Variants in AARS1 observed in about 807,000 individuals in gnomAD.
AARS1 encodes the protein alanine--tRNA ligase, cytoplasmic.
A neutral mutation model predicts 108.9 loss-of-function variants in AARS1; 72 were observed. That is an observed-to-expected ratio of 0.66 (90% CI 0.55 to 0.80). The LOEUF (loss-of-function observed/expected upper bound fraction) is 0.80. Ranked by LOEUF, AARS1 falls within the 30% of genes least tolerant of loss-of-function variation. AARS1 has a pLI of 0.00. For synonymous variants in AARS1, 489 were observed against 465.7 expected (o/e 1.05, Z -0.64); for missense variants, 1,193 against 1,233.2 (o/e 0.97, Z 0.49).
In AARS1 at chr16:70,270,232, A is replaced by G. The variant is rs1960365704; in HGVS notation, c.780T>C (p.Thr260=). ...CTTCAAAGTAAGGGACAAAAAGGTC[A>G]GTGTCATAGTTGGACATCTTATTCT... ...VLQNKMSNYD[T]DLFVPYFEAI... is the part of the protein sequence containing the mutation. Residue 260 remains threonine (T), a synonymous_variant, in exon 6 of 21, where the codon ACT becomes ACC. Transcript: ENST00000261772. The G allele has an allele frequency of 6.2e-7, 1 of 1,614,096 alleles. No individual in the cohort carries two copies. The highest frequency in any genetic ancestry group is 1.1e-5 in the South Asian group (1 of 91,090).
intron 13 of AARS1, among the ~76,000 whole-genome samples, chr16:70,259,841 C>T (rs528709208): frequency 4.6e-5 from 7 of 151,798 alleles, no homozygotes; most frequent in African/African-American, 1.5e-4. Flanking sequence ...GGCATGATCT[C>T]GGCTCACTGC....
At chr16:70,267,852 G>C (rs1470018121) in intron 8 of AARS1, 43 bp from the exon 9 acceptor site, 4 of 1,613,732 alleles carry the variant, frequency 2.5e-6, no homozygotes, top group Non-Finnish European at 3.4e-6. Flanking sequence ...TGAAGCCAGA[G>C]ACTGTTCCCT....
chr16:70,280,686 G>A (rs1960676225), intron 2 of AARS1, among the ~76,000 whole-genome samples: 1 of 152,136 alleles, frequency 6.6e-6, no homozygotes. Flanking sequence ...ACCCCCTTCA[G>A]CCACGACCAG....
At position 70,254,054 on chromosome 16, in the gene AARS1, G is replaced by C. The variant is rs372138128; in HGVS notation, c.2401-16C>G. 2 of 1,613,392 alleles carry C rather than the reference G, an allele frequency of 1.2e-6. No homozygotes were observed. The highest frequency in any genetic ancestry group is 4.5e-5 in the East Asian group (2 of 44,864). On this transcript the variant is annotated splice_polypyrimidine_tract_variant and intron_variant, in intron 17 of 20. Transcript: ENST00000261772. The stretch of plus-strand genomic sequence containing the variant: ...TGGCCAGGGCCTGGAACCAATAGAC[G>C]ACCATCTCAATCTGGGCCACAACTT...
At chr16:70,260,386 A>C (rs1960103983) in intron 13 of AARS1, among the ~76,000 whole-genome samples, 2 of 152,124 alleles carry the variant, frequency 1.3e-5, no homozygotes, top group South Asian at 4.1e-4. Context: ...TTTAGAACAT[A>C]CACTGCTATC....
In AARS1 at chr16:70,265,043, A is replaced by C. The variant is rs1249865131; in HGVS notation, c.1407T>G (p.Ala469=). The change falls in exon 11 of 21, where the codon GCT becomes GCG. Residue 469 remains alanine (A), a synonymous_variant. Transcript: ENST00000261772. The part of the protein sequence containing the change: ...GEDLIMLDIY[A]IEELRARGLE... ...GACCCCGTGCCCGGAGCTCTTCGATAGCGTAAATGTCCAGCATAATGAGGT... is the reference window on the plus strand; with the variant it reads ...GACCCCGTGCCCGGAGCTCTTCGATCGCGTAAATGTCCAGCATAATGAGGT... 1 of 1,614,176 alleles carries C rather than the reference A, an allele frequency of 6.2e-7. No individual in the cohort carries two copies. Among genetic ancestry groups the C allele is most frequent in the Non-Finnish European group, 8.5e-7 (1 of 1,180,036 alleles).
intron 15 of AARS1, among the ~76,000 whole-genome samples, chr16:70,257,346 T>C (rs1217710327): frequency 6.7e-6 from 1 of 150,070 alleles, no homozygotes; most frequent in Non-Finnish European, 1.5e-5. Context: ...AGCCAGGAGG[T>C]AGAGGTTGCA....
chr16:70,255,213 TTTTG>T (rs1373364716), intron 16 of AARS1, among the ~76,000 whole-genome samples: 18 of 148,418 alleles, frequency 1.2e-4, no homozygotes, highest in African/African-American at 3.5e-4. Flanking sequence ...TTTTTTTTTT[TTTTG>T]GAGACGGAGT....
chr16:70,265,762 C>T (rs1960247038), intron 9 of AARS1, 100 bp from the exon 10 acceptor site: 7 of 1,494,886 alleles, frequency 4.7e-6, no homozygotes, highest in Non-Finnish European at 6.4e-6. Context: ...GAATTAAAGA[C>T]ACAAGGCTAT....
At position 70,253,254 on chromosome 16, in the gene AARS1, G is replaced by A. The variant is rs369055609; in HGVS notation, c.2721+14C>T. The stretch of plus-strand genomic sequence containing the variant: ...AAGACCTAACACTTCCCACTGGTGC[G>A]AGGTGGTGCTGACCTGGGGAACTTG... On this transcript the variant is annotated intron_variant, in intron 20 of 20. Transcript: ENST00000261772. The A allele has an allele frequency of 9.5e-6, 15 of 1,587,288 alleles. No homozygotes were observed. Among genetic ancestry groups the A allele is most frequent in the Non-Finnish European group, 1.1e-5 (13 of 1,155,836 alleles).
At chr16:70,286,224 T>C (rs917643908) in intron 1 of AARS1, among the ~76,000 whole-genome samples, 7 of 152,158 alleles carry the variant, frequency 4.6e-5, no homozygotes, top group African/African-American at 1.7e-4. Context: ...CAACATAAAC[T>C]CATTGATTTA....
chr16:70,254,873 A>T (rs1959941716), intron 16 of AARS1, 139 bp from the exon 17 acceptor site: 1 of 672,490 alleles, frequency 1.5e-6, no homozygotes, highest in East Asian at 2.9e-5. Flanking sequence ...TGTGGGGAGT[A>T]GGTGCTGGCA....
At chr16:70,261,236 G>A (rs886373085) in intron 12 of AARS1, 79 bp from the exon 13 acceptor site, 30 of 1,021,522 alleles carry the variant, frequency 2.9e-5, no homozygotes, top group East Asian at 1.3e-4. Context: ...ATATAAACTC[G>A]TGTATATAAC....
chr16:70,264,849 G>T, intron 11 of AARS1, 109 bp downstream of exon 11: 1 of 1,399,456 alleles, frequency 7.1e-7, no homozygotes. Context: ...GGCACTCCAG[G>T]AGAGGCTGTC....
intron 14 of AARS1, 90 bp from the exon 15 acceptor site, chr16:70,258,307 C>A: frequency 6.9e-7 from 1 of 1,457,838 alleles, no homozygotes; most frequent in Non-Finnish European, 9.4e-7. Context: ...GCAGGCAGGA[C>A]TCGGGTTCCA....
chr16:70,275,686 C>T (rs180956721), intron 4 of AARS1, among the ~76,000 whole-genome samples: 26 of 151,788 alleles, frequency 1.7e-4, no homozygotes, highest in Middle Eastern at 3.4e-3. Context: ...TGGCGTGAAC[C>T]TGGGAGGCGG....
At chr16:70,265,240 GC>G in intron 10 of AARS1, 138 bp from the exon 11 acceptor site, 1 of 1,167,704 alleles carries the variant, frequency 8.6e-7, no homozygotes, top group Non-Finnish European at 1.3e-6. Context: ...GACATTTGGG[GC>G]CAGATCATTC....
intron 4 of AARS1, among the ~76,000 whole-genome samples, chr16:70,274,569 C>CA (rs1960492085): frequency 6.6e-6 from 1 of 150,634 alleles, no homozygotes; most frequent in African/African-American, 2.4e-5. Context: ...ACTAAAAATA[C>CA]AAAAATTAGC....
At chr16:70,264,259 A>G (rs1960212233) in intron 11 of AARS1, among the ~76,000 whole-genome samples, 1 of 151,724 alleles carries the variant, frequency 6.6e-6, no homozygotes, top group Non-Finnish European at 1.5e-5. Flanking sequence ...AAAAAAAAAG[A>G]ATGCTATTAG....
Sources: allele counts gnomAD v4.1 joint callset (sites outside exome capture counted in the v4.1 genomes callset), GRCh38; gene constraint gnomAD v4.1.1; transcripts MANE v1.5; gene names NCBI Gene and HGNC (gene_info 2026-07-23, HGNC 2026-07-21).